C14orf132: variants seen among roughly 807,000 people sequenced by gnomAD.
C14orf132 encodes chromosome 14 open reading frame 132, also known as uncharacterized protein C14orf132.
C14orf132 carries 6 observed loss-of-function variants against 5.8 expected under a neutral mutation model. The ratio of observed to expected loss-of-function variants is 1.03; its 90% CI spans 0.57 to 2.04. C14orf132 has a LOEUF of 2.04. Among genes scored for constraint, C14orf132 ranks in the 30% most tolerant of loss-of-function variants. The probability of loss-of-function intolerance (pLI) is 0.00; values close to 1 mark genes in which losing one functional copy is unlikely to be tolerated. For synonymous variants in C14orf132, 51 were observed against 49.8 expected (o/e 1.02, Z -0.10); for missense variants, 125 against 115.8 (o/e 1.08, Z -0.37).
rs373049134 is a variant in C14orf132, at chr14:96,040,255, C to A, written c.27+728C>A. On this transcript the variant is annotated intron_variant, in intron 1 of 1. Transcript: ENST00000555004. ...CTTGGGTGATGATTCTATTTCTGTG[C>A]CTTAACTCTCTTGAGCCAGAACAAA... 9 of 397,606 alleles carry A rather than the reference C, an allele frequency of 2.3e-5. No homozygotes were observed. In the East Asian group the frequency reaches 3.2e-4, roughly 14 times the overall value. 24.6% of individuals were successfully genotyped at this position (397,606 alleles called of 1,614,324 possible).
intron 1 of C14orf132, among the ~76,000 whole-genome samples, chr14:96,070,813 G>A (rs1010690826): frequency 1.3e-5 from 2 of 152,142 alleles, no homozygotes; most frequent in Admixed American, 1.3e-4. Context: ...GTAGCTGCAT[G>A]CCCTGTGTCC....
chr14:96,084,969 C>T (rs1355595578), intron 1 of C14orf132, among the ~76,000 whole-genome samples: 1 of 152,186 alleles, frequency 6.6e-6, no homozygotes, highest in African/African-American at 2.4e-5. Context: ...AGCAGCTGCC[C>T]AGGCACGTGT....
intron 1 of C14orf132, among the ~76,000 whole-genome samples, chr14:96,075,840 T>C (rs962668595): frequency 2.0e-5 from 3 of 152,214 alleles, no homozygotes; most frequent in Non-Finnish European, 2.9e-5. Flanking sequence ...TCTTGTTCAA[T>C]TGAGATATTG....
At chr14:96,043,053 T>C (rs1397985458) in intron 1 of C14orf132, among the ~76,000 whole-genome samples, 1 of 152,218 alleles carries the variant, frequency 6.6e-6, no homozygotes, top group Non-Finnish European at 1.5e-5. Flanking sequence ...ATGCATTCCC[T>C]GTCTCCCTCC....
Position 96,086,509 on chromosome 14 carries a change from A to G in C14orf132, c.28-2A>G, listed in dbSNP as rs1224967686. On this transcript the variant is annotated splice_acceptor_variant, in intron 1 of 1. Coordinates refer to ENST00000555004, the MANE Select transcript of C14orf132 (RefSeq NM_001252507.3). LOFTEE classifies it high-confidence loss of function. ...GATAATTCTCTCTCTCCTTCTTTGC[A>G]GCTGCCCATGATGGGGGGAGCTTTC... 1.1e-5 allele frequency: 17 copies of G among 1,535,890 alleles called. No individual in the cohort carries two copies. Among genetic ancestry groups the G allele is most frequent in the Non-Finnish European group, 1.5e-5 (17 of 1,146,828 alleles).
chr14:96,056,132 G>T (rs182487521), intron 1 of C14orf132, among the ~76,000 whole-genome samples: 41 of 152,338 alleles, frequency 2.7e-4, no homozygotes, highest in African/African-American at 9.6e-4. Context: ...CTCAGAATGC[G>T]GTGTAGGCCA....
At position 96,082,634 on chromosome 14, in the gene C14orf132, C is replaced by G. The variant is rs143501867; in HGVS notation, c.28-3877C>G. Among the ~76,000 whole-genome samples the G allele has an allele frequency of 5.0e-4, 76 of 152,308 alleles. No individual in the cohort carries two copies. In the East Asian group the frequency reaches 0.015, roughly 29 times the overall value. ...TACACTAGGGGGCACGGGTGGCCAT[C>G]TGCTGACAACTGAAAATGAGTACCT... On this transcript the variant is annotated intron_variant, in intron 1 of 1. Coordinates refer to ENST00000555004, the MANE Select transcript of C14orf132 (RefSeq NM_001252507.3).
chr14:96,047,874 A>C (rs532911243), intron 1 of C14orf132, among the ~76,000 whole-genome samples: 61 of 152,200 alleles, frequency 4.0e-4, no homozygotes, highest in Non-Finnish European at 1.6e-4. Flanking sequence ...CAACTGACTA[A>C]CCTACGTCGA....
At chr14:96,075,735 G>A (rs773000974) in intron 1 of C14orf132, among the ~76,000 whole-genome samples, 1 of 152,078 alleles carries the variant, frequency 6.6e-6, no homozygotes, top group Non-Finnish European at 1.5e-5. Flanking sequence ...TGTAAGGATT[G>A]ATTTTTTTTG....
intron 1 of C14orf132, among the ~76,000 whole-genome samples, chr14:96,049,393 T>G (rs1456797845): frequency 6.7e-6 from 1 of 149,718 alleles, no homozygotes; most frequent in Non-Finnish European, 1.5e-5. Flanking sequence ...CAGGCTGGAG[T>G]GCAGTGGCTT....
rs1397934986 is a variant in C14orf132 at position 96,069,536 on chromosome 14, C to A, written c.28-16975C>A. 2.6e-5 allele frequency among the ~76,000 whole-genome samples: 4 copies of A among 152,098 alleles called. No individual in the cohort carries two copies. The East Asian group carries it at 7.7e-4, about 29-fold the overall frequency. ...TGAGGCACACCATGATTAGCCAGGG[C>A]AGGCATGGGATGTGCATGAAGCTGG... On this transcript the variant is annotated intron_variant, in intron 1 of 1. Transcript: ENST00000555004.
In C14orf132 at chr14:96,087,017, T is replaced by A. The variant is rs889561397; in HGVS notation, c.*282T>A. The A allele has an allele frequency of 2.0e-5, 10 of 491,492 alleles. No homozygotes were observed. The highest frequency in any genetic ancestry group is 3.6e-5 in the Non-Finnish European group (10 of 274,098). The allele number at this position is 491,492 out of a possible 1,614,324, so 30.4% of individuals were successfully genotyped here. A position where few individuals can be genotyped will look rare whatever the true frequency, so the allele number is the denominator to read the frequency against. ...TCCTTGAAACTACATTCCAGGAACA[T>A]GGGACCAGATGAGACAGCTAGTTAA... On this transcript the variant is annotated 3_prime_UTR_variant, in exon 2 of 2. Coordinates refer to ENST00000555004, the MANE Select transcript of C14orf132 (RefSeq NM_001252507.3).
chr14:96,057,508 T>A (rs993139822), intron 1 of C14orf132, among the ~76,000 whole-genome samples: 1 of 152,172 alleles, frequency 6.6e-6, no homozygotes, highest in African/African-American at 2.4e-5. Context: ...TGCCTGTCAC[T>A]CTGTTCTGAT....
chr14:96,065,263 G>C (rs980491096), intron 1 of C14orf132, among the ~76,000 whole-genome samples: 1 of 152,124 alleles, frequency 6.6e-6, no homozygotes, highest in Non-Finnish European at 1.5e-5. Context: ...AGCTACATTG[G>C]TTGGAGGAGA....
intron 1 of C14orf132, among the ~76,000 whole-genome samples, chr14:96,072,993 C>T (rs887950687): frequency 6.6e-6 from 1 of 152,104 alleles, no homozygotes; most frequent in African/African-American, 2.4e-5. Flanking sequence ...TGGGTAAATA[C>T]GTAGGAGTGG....
At chr14:96,055,464 A>G (rs996475120) in intron 1 of C14orf132, among the ~76,000 whole-genome samples, 1 of 152,164 alleles carries the variant, frequency 6.6e-6, no homozygotes, top group African/African-American at 2.4e-5. Context: ...CAAATCCTCT[A>G]TTCAAAAGGC....
At chr14:96,076,514 A>C (rs1429787901) in intron 1 of C14orf132, among the ~76,000 whole-genome samples, 1 of 152,080 alleles carries the variant, frequency 6.6e-6, no homozygotes, top group African/African-American at 2.4e-5. Context: ...TATAGTTTAG[A>C]TCAGGGGTGT....
At position 96,052,632 on chromosome 14, in the gene C14orf132, G is replaced by T. The variant is rs190919818; in HGVS notation, c.27+13105G>T. ...ATTATGGCTTGCATCAGCTTGCGGG[G>T]CACCTCCTCTTTGAGTCTGGATTAT... On this transcript the variant is annotated intron_variant, in intron 1 of 1. Transcript: ENST00000555004. 5.6e-3 allele frequency among the ~76,000 whole-genome samples: 859 copies of T among 152,314 alleles called. 8 individuals carry two copies. The highest frequency in any genetic ancestry group is 0.02 in the African/African-American group (824 of 41,568).
Position 96,039,455 on chromosome 14 carries a change from C to G in C14orf132, c.-46C>G. ...AACTGTGCAGGCGGCTGACCCGCAG[C>G]GGCAGCGGCAGCAGCGAGGACTCGA... is the stretch of plus-strand genomic sequence containing the variant. On this transcript the variant is annotated 5_prime_UTR_variant, in exon 1 of 2. Transcript: ENST00000555004. This position sits in a 1 kb window ranked among gnomAD's most constrained non-coding sequence, Gnocchi z 5.3. 1 of 1,477,636 alleles carries G rather than the reference C, an allele frequency of 6.8e-7. No homozygotes were observed. The highest frequency in any genetic ancestry group is 9.0e-7 in the Non-Finnish European group (1 of 1,114,104). 91.5% of individuals were successfully genotyped at this position (1,477,636 alleles called of 1,614,324 possible).
Sources: gnomAD v4.1 joint callset for allele counts (sites outside exome capture counted in the v4.1 genomes callset) on GRCh38, gnomAD v4.1.1 for gene constraint, Gnocchi (gnomAD v3.1) non-coding constraint, MANE v1.5 for transcripts, NCBI Gene and HGNC (gene_info 2026-07-23, HGNC 2026-07-21) for gene names.